PLEKHA6: variants seen among roughly 807,000 people sequenced by gnomAD.
PLEKHA6 encodes pleckstrin homology domain containing A6, also known as pleckstrin homology domain-containing family A member 6.
A neutral mutation model predicts 116.7 loss-of-function variants in PLEKHA6; 60 were observed. The observed-to-expected ratio is 0.51, with a 90% confidence interval of 0.42 to 0.64. The LOEUF is 0.64. Ranked by LOEUF, PLEKHA6 falls within the 30% of genes least tolerant of loss-of-function variation. The pLI is 0.00. For missense variants in PLEKHA6, 1,338 were observed against 1,422.7 expected, an observed-to-expected ratio of 0.94 and a Z score of 0.96; for synonymous variants, 489 against 556.1, an observed-to-expected ratio of 0.88 and a Z score of 1.70.
chr1:204,361,690 A>G (rs1467106), upstream of PLEKHA6, among the ~76,000 whole-genome samples: 16,574 of 152,316 alleles, frequency 0.11, 1,605 homozygotes, highest in East Asian at 0.55. Context: ...GCCCAGTGCC[A>G]GGCAGGACCG....
chr1:204,232,771 A>G (rs1186271918), intron 17 of PLEKHA6, among the ~76,000 whole-genome samples: 2 of 152,134 alleles, frequency 1.3e-5, no homozygotes, highest in Non-Finnish European at 2.9e-5. Context: ...AGGCAGGCCT[A>G]GAGGCAGGGG....
chr1:204,331,983 C>T (rs1016955510), intron 1 of PLEKHA6, among the ~76,000 whole-genome samples: 1 of 152,142 alleles, frequency 6.6e-6, no homozygotes, highest in Non-Finnish European at 1.5e-5. Flanking sequence ...GGGGTGCAAA[C>T]ACACCTCATG....
intron 1 of PLEKHA6, chr1:204,280,299 G>T (rs1388332648): frequency 1.0e-6 from 1 of 985,270 alleles, no homozygotes; most frequent in South Asian, 4.7e-5. Context: ...ACACTGTCAA[G>T]AGTGGCAAAA....
chr1:204,261,303 C>A lies in PLEKHA6; in HGVS notation c.524+3G>T. On this transcript the variant is annotated splice_donor_region_variant and intron_variant, in intron 7 of 22. Coordinates refer to ENST00000272203, the MANE Select transcript of PLEKHA6 (RefSeq NM_014935.5). This position sits in a 1 kb window ranked among gnomAD's most constrained non-coding sequence, Gnocchi z 4.0. ...CCCCCACACTCAATTCCCTGGCACTCACCTGTGCCGCACAGCTTGGGGCAC... is the reference window on the plus strand; with the variant it reads ...CCCCCACACTCAATTCCCTGGCACTAACCTGTGCCGCACAGCTTGGGGCAC... 1 of 1,614,188 alleles carries A rather than the reference C, an allele frequency of 6.2e-7. No individual in the cohort carries two copies. The highest frequency in any genetic ancestry group is 8.5e-7 in the Non-Finnish European group (1 of 1,180,012).
At chr1:204,326,323 G>A (rs544035288) in intron 1 of PLEKHA6, among the ~76,000 whole-genome samples, 2 of 152,120 alleles carry the variant, frequency 1.3e-5, no homozygotes, top group African/African-American at 2.4e-5. Flanking sequence ...GCCAACACAC[G>A]GTCACGTCTT....
chr1:204,222,050 T>TCTC lies in PLEKHA6; in HGVS notation c.*737_*738insGAG, dbSNP rs1571701806. On this transcript the variant is annotated 3_prime_UTR_variant, in exon 23 of 23. Transcript: ENST00000272203. ...TCTCTCTCTCTCTCTCTCTCTCTCT[T>TCTC]TCTGTCTCTCTCTCTCTGCTACCCT... 1 of 64,602 alleles carries TCTC rather than the reference T, an allele frequency of 1.5e-5. No individual in the cohort carries two copies. The highest frequency in any genetic ancestry group is 3.4e-5 in the Non-Finnish European group (1 of 29,650). 4.0% of individuals were successfully genotyped at this position (64,602 alleles called of 1,614,324 possible).
upstream of PLEKHA6, among the ~76,000 whole-genome samples, chr1:204,362,148 A>T (rs552059182): frequency 6.6e-6 from 1 of 152,206 alleles, no homozygotes; most frequent in Admixed American, 6.5e-5. Context: ...GGCGGAAGAG[A>T]TGTGGTAGCA....
At position 204,228,951 on chromosome 1, in the gene PLEKHA6, C is replaced by G. The variant is rs1217333940; in HGVS notation, c.2737G>C (p.Asp913His). 1 of 1,614,018 alleles carries G rather than the reference C, an allele frequency of 6.2e-7. No individual in the cohort carries two copies. The highest frequency in any genetic ancestry group is 8.5e-7 in the Non-Finnish European group (1 of 1,180,036). ...MELEPQHYDV[D>H]INKELSTPDK... ...GCTCCACTCACCTCCTTATTGATGT[C>G]CACGTCATAATGCTGGGGCTCTAGC... is the stretch of plus-strand genomic sequence containing the variant. Residue 913 changes from aspartate (D) to histidine (H), a missense_variant, in exon 19 of 23, where the codon GAC (aspartate) becomes CAC (histidine). By Grantham distance (81) the Asp-to-His change is moderately conservative. This residue lies in a region of PLEKHA6 where 1,136 missense variants were observed against 1,163.6 expected (regional missense o/e 0.98). Transcript: ENST00000272203. The surrounding 1 kb of genome is among the most constrained non-coding windows in gnomAD (Gnocchi z 4.0).
At chr1:204,239,549 T>A (rs1382234266) in intron 17 of PLEKHA6, among the ~76,000 whole-genome samples, 1 of 152,204 alleles carries the variant, frequency 6.6e-6, no homozygotes, top group Admixed American at 6.5e-5. Flanking sequence ...TCCACCGTCA[T>A]GGTATTCCAC....
intron 1 of PLEKHA6, among the ~76,000 whole-genome samples, chr1:204,347,546 A>T (rs1276968561): frequency 2.0e-5 from 3 of 151,512 alleles, no homozygotes; most frequent in Non-Finnish European, 4.4e-5. Context: ...TAAGAGATTA[A>T]AGTAAAGACA....
At chr1:204,299,385 G>A (rs1487467172) in intron 1 of PLEKHA6, among the ~76,000 whole-genome samples, 2 of 152,206 alleles carry the variant, frequency 1.3e-5, no homozygotes, top group Non-Finnish European at 2.9e-5. Flanking sequence ...AGAGAAAGCA[G>A]GTGAGCTTCC....
At chr1:204,358,200 C>T (rs763644546) in intron 1 of PLEKHA6, among the ~76,000 whole-genome samples, 2 of 152,184 alleles carry the variant, frequency 1.3e-5, no homozygotes, top group African/African-American at 2.4e-5. Context: ...ATCTGTGGCT[C>T]GGCACTCTGT....
chr1:204,288,980 C>G lies in PLEKHA6; in HGVS notation c.-94-14171G>C, dbSNP rs74329921. ...GCAAGAACAAGAAGAGATAAATTCC[C>G]TCTTTATCCTTTAAAAATAGGCAAC... On this transcript the variant is annotated intron_variant, in intron 1 of 22. Transcript: ENST00000272203. 1.2e-4 allele frequency among the ~76,000 whole-genome samples: 18 copies of G among 152,256 alleles called. No individual in the cohort carries two copies. In the East Asian group the frequency reaches 3.5e-3, roughly 29 times the overall value.
intron 1 of PLEKHA6, among the ~76,000 whole-genome samples, chr1:204,349,036 C>T (rs2103353928): frequency 6.6e-6 from 1 of 152,316 alleles, no homozygotes; most frequent in Admixed American, 6.5e-5. Flanking sequence ...TGACTCCCCT[C>T]AGACACGGAG....
intron 1 of PLEKHA6, among the ~76,000 whole-genome samples, chr1:204,322,465 T>C (rs569881098): frequency 6.6e-6 from 1 of 152,316 alleles, no homozygotes; most frequent in South Asian, 2.1e-4. Context: ...CTCCCTGGCG[T>C]GACTTGGGAA....
chr1:204,370,715 C>T (rs538145519), intron 2 of PLEKHA6, among the ~76,000 whole-genome samples: 134 of 152,246 alleles, frequency 8.8e-4, no homozygotes, highest in Non-Finnish European at 1.3e-3. Context: ...GAGAAACAGG[C>T]GCTCCCACTA....
At chr1:204,345,235 G>A (rs1672993344) in intron 1 of PLEKHA6, among the ~76,000 whole-genome samples, 1 of 152,096 alleles carries the variant, frequency 6.6e-6, no homozygotes. Context: ...GGCCCGATTG[G>A]GATGCTTTCT....
intron 1 of PLEKHA6, among the ~76,000 whole-genome samples, chr1:204,279,340 A>C (rs988546063): frequency 3.9e-5 from 6 of 152,224 alleles, no homozygotes; most frequent in Non-Finnish European, 8.8e-5. Flanking sequence ...CTAGGAATTA[A>C]GTCTGCACAC....
intron 1 of PLEKHA6, chr1:204,308,939 T>C (rs1453579087): frequency 4.8e-6 from 1 of 207,236 alleles, no homozygotes; most frequent in African/African-American, 2.3e-5. Context: ...TCCGCCCACC[T>C]TGGCCTCCCA....
Sources: allele counts gnomAD v4.1 joint callset (sites outside exome capture counted in the v4.1 genomes callset), GRCh38; gene constraint gnomAD v4.1.1; regional missense constraint gnomAD v4.1.1; non-coding constraint Gnocchi (gnomAD v3.1); transcripts MANE v1.5; gene names NCBI Gene and HGNC (gene_info 2026-07-23, HGNC 2026-07-21).